Variants in INSR observed in about 807,000 individuals in gnomAD.
INSR encodes the protein insulin receptor.
Under a neutral mutation model 142.6 loss-of-function variants are expected in INSR, and 67 were observed. The ratio of observed to expected loss-of-function variants is 0.47; its 90% CI spans 0.39 to 0.58. The LOEUF (loss-of-function observed/expected upper bound fraction) is 0.58, where lower values mean the gene tolerates loss of function less well. Among genes scored for constraint, INSR ranks in the 20% least tolerant of loss-of-function variants. INSR has a pLI of 0.00. For synonymous variants in INSR, 756 were observed against 743.1 expected (o/e 1.02, Z -0.28); for missense variants, 1,248 against 1,833.2 (o/e 0.68, Z 5.83).
intron 2 of INSR, among the ~76,000 whole-genome samples, chr19:7,219,947 C>A (rs557471916): frequency 6.6e-6 from 1 of 152,084 alleles, no homozygotes; most frequent in African/African-American, 2.4e-5. Context: ...CACTAAAGTC[C>A]CAGAACTGAA....
intron 2 of INSR, among the ~76,000 whole-genome samples, chr19:7,207,746 G>T (rs894677471): frequency 6.6e-6 from 1 of 151,998 alleles, no homozygotes; most frequent in Admixed American, 6.6e-5. Flanking sequence ...AATATAGCAA[G>T]ACCCATCTCT....
intron 2 of INSR, among the ~76,000 whole-genome samples, chr19:7,258,779 T>C (rs2145192086): frequency 6.7e-6 from 1 of 148,906 alleles, no homozygotes; most frequent in South Asian, 2.1e-4. Flanking sequence ...TACAACAAAG[T>C]CCCTGCCTTC....
At chr19:7,169,576 C>CAAAAAAAAAA (rs74174872) in intron 6 of INSR, among the ~76,000 whole-genome samples, 88 of 94,784 alleles carry the variant, frequency 9.3e-4, no homozygotes, top group African/African-American at 3.1e-3. Flanking sequence ...GACTCTGTCC[C>CAAAAAAAAAA]AAAAAAAAAA....
chr19:7,158,889 A>G (rs185137030), intron 9 of INSR, among the ~76,000 whole-genome samples: 6 of 152,050 alleles, frequency 3.9e-5, no homozygotes, highest in African/African-American at 1.4e-4. Flanking sequence ...AAATATACCA[A>G]TTTACCATCT....
chr19:7,176,124 C>T (rs191191628), intron 3 of INSR, among the ~76,000 whole-genome samples: 86 of 152,158 alleles, frequency 5.7e-4, no homozygotes, highest in Middle Eastern at 3.4e-3. Flanking sequence ...ATTATCGTGG[C>T]GATATGTTTT....
chr19:7,118,594 A>C (rs1252442770), intron 21 of INSR, among the ~76,000 whole-genome samples: 1 of 152,032 alleles, frequency 6.6e-6, no homozygotes, highest in African/African-American at 2.4e-5. Flanking sequence ...TTGGGATTAC[A>C]GGCGTGAGCC....
chr19:7,131,939 A>G (rs2144831081), intron 14 of INSR, among the ~76,000 whole-genome samples: 1 of 151,728 alleles, frequency 6.6e-6, no homozygotes, highest in African/African-American at 2.4e-5. Flanking sequence ...CGGAGGCTAC[A>G]GTGAGCTGAG....
chr19:7,245,539 C>A (rs769325469), intron 2 of INSR, among the ~76,000 whole-genome samples: 1 of 152,094 alleles, frequency 6.6e-6, no homozygotes, highest in Non-Finnish European at 1.5e-5. Flanking sequence ...ACCTCCACCT[C>A]CCAAGTTCAA....
At position 7,118,506 on chromosome 19, in the gene INSR, C is replaced by T. The variant is rs917060066; in HGVS notation, c.3794+943G>A. 3.3e-5 allele frequency among the ~76,000 whole-genome samples: 5 copies of T among 151,738 alleles called. No individual in the cohort carries two copies. The East Asian group carries it at 5.8e-4, about 18-fold the overall frequency. ...GTAATTTTTATATTTTTAATAGAGG[C>T]GGGGTTTCACCATGTTGGCCAGGCT... is the stretch of plus-strand genomic sequence containing the variant. On this transcript the variant is annotated intron_variant, in intron 21 of 21. Coordinates refer to ENST00000302850, the MANE Select transcript of INSR (RefSeq NM_000208.4).
intron 13 of INSR, among the ~76,000 whole-genome samples, chr19:7,133,306 T>C (rs1370549652): frequency 6.6e-6 from 1 of 152,050 alleles, no homozygotes; most frequent in Non-Finnish European, 1.5e-5. Flanking sequence ...TGTACACGTA[T>C]GGGGTACAGT....
At chr19:7,253,427 G>A (rs557807079) in intron 2 of INSR, among the ~76,000 whole-genome samples, 5 of 151,568 alleles carry the variant, frequency 3.3e-5, no homozygotes, top group South Asian at 2.1e-4. Flanking sequence ...TAGTAGAGAC[G>A]GGGTTTCACC....
chr19:7,128,580 A>G (rs1972700332), intron 15 of INSR, among the ~76,000 whole-genome samples: 1 of 152,094 alleles, frequency 6.6e-6, no homozygotes. Flanking sequence ...TTACTTGTTT[A>G]TCAATTGCAA....
At chr19:7,239,299 C>A (rs1568211094) in intron 2 of INSR, among the ~76,000 whole-genome samples, 1 of 151,728 alleles carries the variant, frequency 6.6e-6, no homozygotes, top group East Asian at 1.9e-4. Flanking sequence ...GCCCAGCCCC[C>A]CCACCCCAAA....
chr19:7,153,367 C>CAAACACAACCACACACACCACACCATA (rs1973487113), intron 9 of INSR, among the ~76,000 whole-genome samples: 1 of 1,156 alleles, frequency 8.7e-4, no homozygotes, highest in Non-Finnish European at 2.3e-3. Flanking sequence ...ACCACACACC[C>CAAACACAACCACACACACCACACCATA]CACACACACC....
intron 1 of INSR, among the ~76,000 whole-genome samples, chr19:7,292,572 T>G (rs8111710): frequency 0.78 from 117,893 of 151,820 alleles, 45,816 homozygotes; most frequent in African/African-American, 0.82. Context: ...CATGCACCCG[T>G]TTCCCCATCA....
rs1441313359 is a variant in INSR at position 7,150,008 on chromosome 19, G to C, written c.2267+489C>G. Among the ~76,000 whole-genome samples the C allele has an allele frequency of 6.6e-6, 1 of 151,670 alleles. No homozygotes were observed. Among genetic ancestry groups the C allele is most frequent in the East Asian group, 1.9e-4 (1 of 5,190 alleles). On this transcript the variant is annotated intron_variant, in intron 11 of 21. Coordinates refer to ENST00000302850, the MANE Select transcript of INSR (RefSeq NM_000208.4). This position sits in a 1 kb window ranked among gnomAD's most constrained non-coding sequence, Gnocchi z 4.2. ...AGGAAGAGATCCCTGACTCTCCTCC[G>C]TGGAATTCAGTGAGCGACACGGTGT...
Position 7,116,745 on chromosome 19 carries a change from CT to C in INSR, c.*310del, listed in dbSNP as rs1365344549. 1 of 139,306 alleles carries C rather than the reference CT, an allele frequency of 7.2e-6. No individual in the cohort carries two copies. The highest frequency in any genetic ancestry group is 3.1e-5 in the African/African-American group (1 of 32,374). 8.6% of individuals were successfully genotyped at this position (139,306 alleles called of 1,614,324 possible). A position where few individuals can be genotyped will look rare whatever the true frequency, so the allele number is the denominator to read the frequency against. On this transcript the variant is annotated 3_prime_UTR_variant, in exon 22 of 22. Coordinates refer to ENST00000302850, the MANE Select transcript of INSR (RefSeq NM_000208.4). The stretch of plus-strand genomic sequence containing the variant: ...AAGAATTTGTAAAAACAGGTGCTTT[CT>C]TTCCATCTGCTGGGGGCGGGTGGGG...
chr19:7,264,169 CAAAAA>C (rs367805026), intron 2 of INSR, among the ~76,000 whole-genome samples: 1 of 117,556 alleles, frequency 8.5e-6, no homozygotes. Flanking sequence ...AACTCCATCT[CAAAAA>C]AAAAAAAAAA....
intron 2 of INSR, among the ~76,000 whole-genome samples, chr19:7,237,294 G>A (rs1422062861): frequency 1.3e-5 from 2 of 152,012 alleles, no homozygotes; most frequent in African/African-American, 4.8e-5. Context: ...CAAGGCAGGT[G>A]GATCACGAGG....
Sources: gnomAD v4.1 joint callset for allele counts (sites outside exome capture counted in the v4.1 genomes callset) on GRCh38, gnomAD v4.1.1 for gene constraint, Gnocchi (gnomAD v3.1) non-coding constraint, MANE v1.5 for transcripts, NCBI Gene and HGNC (gene_info 2026-07-23, HGNC 2026-07-21) for gene names.